The following ERICH6B variants were observed in gnomAD, a reference collection of about 807,000 sequenced individuals.
ERICH6B encodes the protein glutamate-rich protein 6B.
ERICH6B carries 69 observed loss-of-function variants against 80.0 expected under a neutral mutation model. The ratio of observed to expected loss-of-function variants is 0.86; its 90% CI spans 0.71 to 1.05. The LOEUF is 1.05. Ranked by LOEUF, ERICH6B falls within the 50% of genes least tolerant of loss-of-function variation. The pLI is 0.00. For missense variants in ERICH6B, 754 were observed against 796.1 expected, an observed-to-expected ratio of 0.95 and a Z score of 0.64; for synonymous variants, 283 against 291.9, an observed-to-expected ratio of 0.97 and a Z score of 0.31.
chr13:45,615,693 GGCTCCC>G lies in ERICH6B; in HGVS notation c.-125_-120del, dbSNP rs1949924366. 1 of 152,326 alleles carries G rather than the reference GGCTCCC, an allele frequency of 6.6e-6. No individual in the cohort carries two copies. Among genetic ancestry groups the G allele is most frequent in the African/African-American group, 2.4e-5 (1 of 41,452 alleles). The allele number at this position is 152,326 out of a possible 1,614,324, so 9.4% of individuals were successfully genotyped here. On this transcript the variant is annotated 5_prime_UTR_variant, in exon 1 of 15. Coordinates refer to ENST00000298738, the MANE Select transcript of ERICH6B (RefSeq NM_182542.3). ...ACGTGCGCAGCCCTTACCCAAGCCA[GGCTCCC>G]GCGCGTGCATCCACCGCGATCTCAG...
chr13:45,574,807 C>CT (rs772262728), intron 8 of ERICH6B, 35 bp downstream of exon 8: 63 of 1,472,316 alleles, frequency 4.3e-5, no homozygotes, highest in Middle Eastern at 3.4e-4. Flanking sequence ...TTGGAGGAAG[C>CT]TGGGGGGGGG....
chr13:45,543,195 G>C (rs1039107016), intron 14 of ERICH6B, among the ~76,000 whole-genome samples: 1 of 151,916 alleles, frequency 6.6e-6, no homozygotes. Context: ...CTCACGGGGG[G>C]AGCCAAGGAC....
At chr13:45,563,421 T>C (rs1437697880) in intron 10 of ERICH6B, among the ~76,000 whole-genome samples, 1 of 152,222 alleles carries the variant, frequency 6.6e-6, no homozygotes, top group Non-Finnish European at 1.5e-5. Flanking sequence ...AAAACACGGC[T>C]GCCCTGGGGA....
chr13:45,582,131 T>C (rs545936068), intron 5 of ERICH6B, among the ~76,000 whole-genome samples: 94 of 152,354 alleles, frequency 6.2e-4, no homozygotes, highest in African/African-American at 2.1e-3. Context: ...AGCAGTTCTT[T>C]GTGTGACGTA....
intron 7 of ERICH6B, among the ~76,000 whole-genome samples, chr13:45,579,282 G>C (rs2137999567): frequency 6.6e-6 from 1 of 152,312 alleles, no homozygotes; most frequent in Non-Finnish European, 1.5e-5. Flanking sequence ...ATGGGGTGGG[G>C]ATGGAGGTAT....
At position 45,580,591 on chromosome 13, in the gene ERICH6B, C is replaced by T; in HGVS notation, c.919+12G>A. On this transcript the variant is annotated intron_variant, in intron 6 of 14. Transcript: ENST00000298738. ...ACTTCTACAGATCATTTAAAATCAT[C>T]ATAAACTTTACCTTCCGGAGCCAGC... is the stretch of plus-strand genomic sequence containing the variant. 1 of 1,551,482 alleles carries T rather than the reference C, an allele frequency of 6.4e-7. No individual in the cohort carries two copies. The highest frequency in any genetic ancestry group is 8.7e-7 in the Non-Finnish European group (1 of 1,146,812).
intron 9 of ERICH6B, among the ~76,000 whole-genome samples, chr13:45,567,099 G>T (rs1874947908): frequency 6.6e-6 from 1 of 152,146 alleles, no homozygotes; most frequent in Non-Finnish European, 1.5e-5. Context: ...ACTTTCATGG[G>T]GCCTGTAGCC....
At chr13:45,553,016 G>A (rs1351501264) in intron 11 of ERICH6B, 1 of 236,236 alleles carries the variant, frequency 4.2e-6, no homozygotes, top group South Asian at 4.5e-5. Context: ...TCAGGTTTTA[G>A]TTCTCTTGTT....
intron 1 of ERICH6B, among the ~76,000 whole-genome samples, chr13:45,610,780 A>C (rs1053674493): frequency 1.3e-5 from 2 of 151,898 alleles, no homozygotes; most frequent in African/African-American, 4.8e-5. Flanking sequence ...TTATAATCTT[A>C]TGGGACTACT....
At chr13:45,582,960 G>T (rs1265221698) in intron 5 of ERICH6B, among the ~76,000 whole-genome samples, 1 of 152,182 alleles carries the variant, frequency 6.6e-6, no homozygotes, top group East Asian at 1.9e-4. Context: ...TCCCAGATTG[G>T]TCACAGACTC....
At chr13:45,603,474 G>A (rs1949838589) in intron 2 of ERICH6B, among the ~76,000 whole-genome samples, 2 of 152,176 alleles carry the variant, frequency 1.3e-5, no homozygotes, top group Non-Finnish European at 2.9e-5. Flanking sequence ...AGCCCTTTCA[G>A]TGCCTGCAAT....
At chr13:45,601,634 C>A (rs529366970) in intron 2 of ERICH6B, among the ~76,000 whole-genome samples, 1 of 152,130 alleles carries the variant, frequency 6.6e-6, no homozygotes, top group African/African-American at 2.4e-5. Context: ...GCCATCATTC[C>A]GGGTGACGGG....
chr13:45,563,949 C>T (rs1874807411), intron 9 of ERICH6B, among the ~76,000 whole-genome samples, 161 bp from the exon 10 acceptor site: 1 of 152,228 alleles, frequency 6.6e-6, no homozygotes, highest in South Asian at 2.1e-4. Flanking sequence ...GAGTCAATGC[C>T]CAGGAGTAAA....
Position 45,561,544 on chromosome 13 carries a change from G to T in ERICH6B, c.1250-18C>A, listed in dbSNP as rs1016615681. 2.6e-6 allele frequency: 4 copies of T among 1,549,738 alleles called. No homozygotes were observed. In the South Asian group the frequency reaches 3.6e-5, roughly 14 times the overall value. ...CTTTTGAGCTGCCATTCAATTCAACGATTGCATTGAATAAGATTTTGGTGG... is the reference window on the plus strand; with the variant it reads ...CTTTTGAGCTGCCATTCAATTCAACTATTGCATTGAATAAGATTTTGGTGG... On this transcript the variant is annotated intron_variant, in intron 10 of 14. Transcript: ENST00000298738.
chr13:45,586,200 C>A (rs1199189510), intron 5 of ERICH6B, among the ~76,000 whole-genome samples: 1 of 152,092 alleles, frequency 6.6e-6, no homozygotes, highest in Non-Finnish European at 1.5e-5. Flanking sequence ...GCGGTGTGTG[C>A]CTGTCCTCTG....
intron 1 of ERICH6B, among the ~76,000 whole-genome samples, chr13:45,612,842 G>A (rs1311066924): frequency 8.5e-5 from 13 of 152,070 alleles, no homozygotes; most frequent in Non-Finnish European, 1.5e-4. Flanking sequence ...ACCTGAAATT[G>A]CCCCACTTAG....
intron 4 of ERICH6B, among the ~76,000 whole-genome samples, chr13:45,587,711 G>C (rs376373445): frequency 5.3e-5 from 8 of 152,346 alleles, no homozygotes; most frequent in African/African-American, 1.9e-4. Context: ...CAAAGGGCCT[G>C]AGGGCGGGGC....
intron 7 of ERICH6B, among the ~76,000 whole-genome samples, chr13:45,576,561 G>T (rs1875414033): frequency 6.6e-6 from 1 of 152,170 alleles, no homozygotes; most frequent in Non-Finnish European, 1.5e-5. Flanking sequence ...TGAATGAACT[G>T]GTAGAAAAGG....
chr13:45,543,175 T>C (rs1249795848), intron 14 of ERICH6B, among the ~76,000 whole-genome samples: 3 of 152,046 alleles, frequency 2.0e-5, no homozygotes, highest in South Asian at 2.1e-4. Flanking sequence ...GAAGAGAACC[T>C]TGCTTAGGCC....
Sources: gnomAD v4.1 joint callset for allele counts (sites outside exome capture counted in the v4.1 genomes callset) on GRCh38, gnomAD v4.1.1 for gene constraint, MANE v1.5 for transcripts, NCBI Gene and HGNC (gene_info 2026-07-23, HGNC 2026-07-21) for gene names.